OXNAD1: variants seen among roughly 807,000 people sequenced by gnomAD.
OXNAD1 encodes oxidoreductase NAD-binding domain-containing protein 1.
A neutral mutation model predicts 32.9 loss-of-function variants in OXNAD1; 34 were observed. The observed-to-expected ratio is 1.03, with a 90% CI of 0.79 to 1.38. The LOEUF is 1.38. OXNAD1 is among the 40% of genes most tolerant of loss of function. The pLI is 0.00. For missense variants in OXNAD1, 407 were observed against 379.4 expected (o/e 1.07, Z -0.60); for synonymous variants, 134 against 135.2 (o/e 0.99, Z 0.06).
intron 9 of OXNAD1, among the ~76,000 whole-genome samples, chr3:16,311,540 G>A (rs2067984187): frequency 6.6e-6 from 1 of 152,170 alleles, no homozygotes. Flanking sequence ...AAAAGTTCCA[G>A]GCAATATCAC....
chr3:16,318,922 C>G (rs1478390680), intron 9 of OXNAD1, among the ~76,000 whole-genome samples: 1 of 152,208 alleles, frequency 6.6e-6, no homozygotes, highest in Non-Finnish European at 1.5e-5. Context: ...GTGTCTCAGA[C>G]CCACCTCCTA....
Position 16,297,015 on chromosome 3 carries a change from T to C in OXNAD1, c.432+2018T>C, listed in dbSNP as rs528490902. Among the ~76,000 whole-genome samples the C allele has an allele frequency of 2.0e-5, 3 of 152,330 alleles. No homozygotes were observed. Among genetic ancestry groups the C allele is most frequent in the Admixed American group, 1.3e-4 (2 of 15,296 alleles). On this transcript the variant is annotated intron_variant, in intron 6 of 8. Coordinates refer to ENST00000285083, the MANE Select transcript of OXNAD1 (RefSeq NM_138381.5). This position sits in a 1 kb window ranked among gnomAD's most constrained non-coding sequence, Gnocchi z 4.3. ...TAGGACATGGTCAAAAGTAAAACTTTTTCTACAAAAGGCATTTAACACAAT... is the reference window on the plus strand; with the variant it reads ...TAGGACATGGTCAAAAGTAAAACTTCTTCTACAAAAGGCATTTAACACAAT...
Position 16,345,273 on chromosome 3 carries a change from T to TGTGTGC in OXNAD1, c.*31-3898_*31-3897insCGTGTG. The TGTGTGC allele has an allele frequency of 6.9e-6, 1 of 144,126 alleles. No homozygotes were observed. The highest frequency in any genetic ancestry group is 2.0e-4 in the East Asian group (1 of 5,086). The allele number at this position is 144,126 out of a possible 1,614,324, so 8.9% of individuals were successfully genotyped here. A position where few individuals can be genotyped will look rare whatever the true frequency, so the allele number is the denominator to read the frequency against. On this transcript the variant is annotated intron_variant, in intron 9 of 9. Coordinates refer to the OXNAD1 transcript ENST00000606098. The surrounding 1 kb of genome is among the most constrained non-coding windows in gnomAD (Gnocchi z 5.2). ...GATAATAAGTAGGTGGTTGTGTGTG[T>TGTGTGC]GTGTGTGTGTGTGTGTGTGTGTGTG...
Position 16,317,222 on chromosome 3 carries a change from C to G in OXNAD1, c.*30+13630C>G. ...GTTGTGCATTTCTTCTCTGGAGAAT[C>G]GCCACTGAAACTAGAAATCAGAAAG... On this transcript the variant is annotated intron_variant, in intron 9 of 9. Coordinates refer to the OXNAD1 transcript ENST00000435829. This position sits in a 1 kb window ranked among gnomAD's most constrained non-coding sequence, Gnocchi z 4.3. The G allele has an allele frequency of 6.2e-7, 1 of 1,612,258 alleles. No homozygotes were observed. The highest frequency in any genetic ancestry group is 8.5e-7 in the Non-Finnish European group (1 of 1,179,950).
chr3:16,304,196 T>C lies in OXNAD1; in HGVS notation c.*634T>C, dbSNP rs2067386718. 1 of 152,286 alleles carries C rather than the reference T, an allele frequency of 6.6e-6. No homozygotes were observed. The highest frequency in any genetic ancestry group is 6.5e-5 in the Admixed American group (1 of 15,288). 9.4% of individuals were successfully genotyped at this position (152,286 alleles called of 1,614,324 possible). A position where few individuals can be genotyped will look rare whatever the true frequency, so the allele number is the denominator to read the frequency against. Reference sequence around the variant, plus strand: ...TGTATCCTGACTAATTGTTAGTTTCTTCTCAAATGAAACCCTTTCTGTGTC... The same window carrying C: ...TGTATCCTGACTAATTGTTAGTTTCCTCTCAAATGAAACCCTTTCTGTGTC... On this transcript the variant is annotated 3_prime_UTR_variant, in exon 9 of 9. Coordinates refer to ENST00000285083, the MANE Select transcript of OXNAD1 (RefSeq NM_138381.5). This position sits in a 1 kb window ranked among gnomAD's most constrained non-coding sequence, Gnocchi z 4.6.
At chr3:16,300,576 G>A (rs767752784) in intron 6 of OXNAD1, among the ~76,000 whole-genome samples, 7 of 152,210 alleles carry the variant, frequency 4.6e-5, no homozygotes, top group Non-Finnish European at 1.0e-4. Flanking sequence ...TCACCTACAA[G>A]AACGTCTTTT....
intron 9 of OXNAD1, chr3:16,326,731 G>T: frequency 2.1e-6 from 3 of 1,430,514 alleles, no homozygotes; most frequent in East Asian, 2.3e-5. Context: ...CTAGCACAGA[G>T]TAAGTGTTCA....
chr3:16,294,046 A>G (rs2066599298), intron 5 of OXNAD1, among the ~76,000 whole-genome samples: 1 of 152,092 alleles, frequency 6.6e-6, no homozygotes, highest in South Asian at 2.1e-4. Context: ...TTTTCTTTCA[A>G]TGTCTTTGTC....
chr3:16,300,459 A>G (rs932304226), intron 6 of OXNAD1, among the ~76,000 whole-genome samples: 3 of 152,228 alleles, frequency 2.0e-5, no homozygotes, highest in African/African-American at 7.2e-5. Flanking sequence ...AACAGTGAAC[A>G]TGCTTGGTTA....
rs1334331581 is a variant in OXNAD1 at position 16,301,230 on chromosome 3, C to A, written c.433-396C>A. Among the ~76,000 whole-genome samples the A allele has an allele frequency of 6.6e-6, 1 of 152,222 alleles. No homozygotes were observed. Among genetic ancestry groups the A allele is most frequent in the African/African-American group, 2.4e-5 (1 of 41,456 alleles). ...GGCAGTCTAGTGACATTTGCCACAT[C>A]CTGTTTCTCTCAGCTTTGGTTAGAA... On this transcript the variant is annotated intron_variant, in intron 6 of 8. Transcript: ENST00000285083. The surrounding 1 kb of genome is among the most constrained non-coding windows in gnomAD (Gnocchi z 4.1).
intron 1 of OXNAD1, 81 bp from the exon 2 acceptor site, chr3:16,269,045 C>G: frequency 7.8e-7 from 1 of 1,287,124 alleles, no homozygotes; most frequent in Admixed American, 3.7e-5. Context: ...TTTAATGAGC[C>G]TTTCCTTTGG....
Position 16,280,952 on chromosome 3 carries a change from T to C in OXNAD1, c.184-5390T>C, listed in dbSNP as rs960831422. 3.3e-5 allele frequency among the ~76,000 whole-genome samples: 5 copies of C among 152,254 alleles called. No individual in the cohort carries two copies. The highest frequency in any genetic ancestry group is 1.2e-4 in the African/African-American group (5 of 41,474). ...CATGTGTTTTAACTTAGGACATGGA[T>C]AGTTGAGGTTTCAGTTGTGAATCTT... On this transcript the variant is annotated intron_variant, in intron 4 of 8. Coordinates refer to ENST00000285083, the MANE Select transcript of OXNAD1 (RefSeq NM_138381.5). The surrounding 1 kb of genome is among the most constrained non-coding windows in gnomAD (Gnocchi z 4.5).
At chr3:16,311,011 A>AAAG (rs1553711093), downstream of OXNAD1, among the ~76,000 whole-genome samples, 13,833 of 135,668 alleles carry the variant, frequency 0.1, 951 homozygotes, top group Middle Eastern at 0.15. Context: ...AAAAAAAAAA[A>AAAG]AAATCATCTG....
intron 5 of OXNAD1, among the ~76,000 whole-genome samples, chr3:16,292,807 G>C (rs2657602): frequency 0.68 from 103,121 of 152,038 alleles, 35,886 homozygotes; most frequent in African/African-American, 0.83. Flanking sequence ...TGCTTTGGCA[G>C]CCTTGTCTAA....
At position 16,345,791 on chromosome 3, in the gene OXNAD1, T is replaced by G. The variant is rs1244589627; in HGVS notation, c.*31-3385T>G. ...GCCAAAACCTTATAATAAATCTCTG[T>G]GTGTGTGTGTGTGTGTGTGTGTGTG... On this transcript the variant is annotated intron_variant, in intron 9 of 9. Transcript: ENST00000606098. This position sits in a 1 kb window ranked among gnomAD's most constrained non-coding sequence, Gnocchi z 5.2. 1.7e-5 allele frequency among the ~76,000 whole-genome samples: 1 copy of G among 57,484 alleles called. No homozygotes were observed. The highest frequency in any genetic ancestry group is 3.7e-5 in the Non-Finnish European group (1 of 27,208). 37.7% of individuals were successfully genotyped at this position (57,484 alleles called of 152,430 possible).
chr3:16,271,647 T>A lies in OXNAD1; in HGVS notation c.120-12T>A. 1.3e-6 allele frequency: 2 copies of A among 1,576,106 alleles called. No individual in the cohort carries two copies. The highest frequency in any genetic ancestry group is 1.7e-6 in the Non-Finnish European group (2 of 1,164,964). On this transcript the variant is annotated splice_polypyrimidine_tract_variant and intron_variant, in intron 3 of 8. Transcript: ENST00000285083. The surrounding 1 kb of genome is among the most constrained non-coding windows in gnomAD (Gnocchi z 4.6). ...ATAATATGTAATAACCTAATTTTAC[T>A]TTCTATTAAAGCATAATGAAATCCA...
intron 9 of OXNAD1, among the ~76,000 whole-genome samples, chr3:16,324,598 A>G: frequency 7.0e-6 from 1 of 143,424 alleles, no homozygotes; most frequent in African/African-American, 2.6e-5. Context: ...TGTAATAAAT[A>G]ACAGAATGTC....
chr3:16,271,754 C>T lies in OXNAD1; in HGVS notation c.183+32C>T. On this transcript the variant is annotated intron_variant, in intron 4 of 8. Transcript: ENST00000285083. The surrounding 1 kb of genome is among the most constrained non-coding windows in gnomAD (Gnocchi z 4.6). ...ATCTTTGGGGTATGACAGGTTTTTC[C>T]AGCTAGACCGTTTACATGTGGTTAT... 3 of 1,581,482 alleles carry T rather than the reference C, an allele frequency of 1.9e-6. No individual in the cohort carries two copies. The highest frequency in any genetic ancestry group is 2.6e-6 in the Non-Finnish European group (3 of 1,161,072).
chr3:16,269,095 A>G (rs939873677), intron 1 of OXNAD1, 31 bp from the exon 2 acceptor site: 38 of 1,421,512 alleles, frequency 2.7e-5, no homozygotes, highest in Non-Finnish European at 3.3e-5. Flanking sequence ...GTTCCCCAAA[A>G]CATTGTTATA....
Sources: gnomAD v4.1 joint callset for allele counts (sites outside exome capture counted in the v4.1 genomes callset) on GRCh38, gnomAD v4.1.1 for gene constraint, Gnocchi (gnomAD v3.1) non-coding constraint, MANE v1.5 for transcripts, NCBI Gene and HGNC (gene_info 2026-07-23, HGNC 2026-07-21) for gene names.